SYN2: variants seen among roughly 807,000 people sequenced by gnomAD.
SYN2 encodes the protein synapsin II, also known as synapsin-2.
Under a neutral mutation model 50.9 loss-of-function variants are expected in SYN2, and 19 were observed. That is an observed-to-expected ratio of 0.37 (90% CI 0.26 to 0.55). SYN2 has a LOEUF of 0.55. Ranked by LOEUF, SYN2 falls within the 20% of genes least tolerant of loss-of-function variation. The pLI is 0.81. For synonymous variants in SYN2, 255 were observed against 224.9 expected, an observed-to-expected ratio of 1.13 and a Z score of -1.20; for missense variants, 587 against 576.4, an observed-to-expected ratio of 1.02 and a Z score of -0.19.
chr3:12,164,968 T>C (rs1166263367), intron 7 of SYN2, among the ~76,000 whole-genome samples: 6 of 149,980 alleles, frequency 4.0e-5, no homozygotes, highest in African/African-American at 1.5e-4. Context: ...GTTCAGTTTC[T>C]TCCTTTTTTT....
intron 1 of SYN2, among the ~76,000 whole-genome samples, chr3:12,118,759 GTAC>G (rs1271307280): frequency 6.6e-6 from 1 of 152,040 alleles, no homozygotes; most frequent in African/African-American, 2.4e-5. Flanking sequence ...GTTTAACACA[GTAC>G]TATCTGATAA....
chr3:12,150,360 C>T (rs1384675673), intron 4 of SYN2, among the ~76,000 whole-genome samples: 1 of 152,196 alleles, frequency 6.6e-6, no homozygotes, highest in Non-Finnish European at 1.5e-5. Context: ...TCTACAGAGC[C>T]TGAAAGGCAG....
chr3:12,029,859 T>A (rs1694343586), intron 1 of SYN2, among the ~76,000 whole-genome samples: 1 of 103,606 alleles, frequency 9.7e-6, no homozygotes. Context: ...CCTAATTGAA[T>A]ACCCTTTATT....
intron 1 of SYN2, among the ~76,000 whole-genome samples, chr3:12,081,736 C>T (rs1032010110): frequency 3.9e-5 from 6 of 152,264 alleles, no homozygotes; most frequent in African/African-American, 1.4e-4. Context: ...TTCCACCAAT[C>T]CTCAGGTTTT....
rs1407585169 is a variant in SYN2 at position 12,191,121 on chromosome 3, C to A, written c.*496C>A. On this transcript the variant is annotated 3_prime_UTR_variant, in exon 13 of 13. Coordinates refer to ENST00000621198, the MANE Select transcript of SYN2 (RefSeq NM_133625.6). The stretch of plus-strand genomic sequence containing the variant: ...CCCCGACCTGGATCCCTTGTCATAC[C>A]TGTGTTACTGTTTAAAGCACACCCA... 1.0e-6 allele frequency: 1 copy of A among 986,402 alleles called. No homozygotes were observed. The highest frequency in any genetic ancestry group is 1.2e-6 in the Non-Finnish European group (1 of 830,622). The allele number at this position is 986,402 out of a possible 1,614,324, so 61.1% of individuals were successfully genotyped here.
chr3:12,151,455 A>G (rs1181601931), intron 5 of SYN2, 129 bp downstream of exon 5: 2 of 695,414 alleles, frequency 2.9e-6, no homozygotes, highest in African/African-American at 1.8e-5. Context: ...GTTGAACTAT[A>G]GAGCTTATGC....
intron 5 of SYN2, among the ~76,000 whole-genome samples, chr3:12,160,839 CCTT>C (rs1176000377): frequency 1.3e-5 from 2 of 152,204 alleles, no homozygotes; most frequent in Non-Finnish European, 2.9e-5. Flanking sequence ...AGAGGATAAT[CCTT>C]CTTTTAAGGT....
At chr3:12,171,349 C>T (rs995423034) in intron 10 of SYN2, among the ~76,000 whole-genome samples, 3 of 152,142 alleles carry the variant, frequency 2.0e-5, no homozygotes, top group African/African-American at 7.2e-5. Context: ...AATCCTAGTT[C>T]TGCCTTTTAG....
intron 12 of SYN2, among the ~76,000 whole-genome samples, chr3:12,188,034 A>AT (rs1462201528): frequency 4.3e-3 from 42 of 9,762 alleles, no homozygotes; most frequent in South Asian, 0.023. Context: ...TGTAAAAAAA[A>AT]ATTTTTAATC....
chr3:12,139,357 G>A lies in SYN2; in HGVS notation c.378-1294G>A, dbSNP rs182617427. Among the ~76,000 whole-genome samples, 5 of 152,266 alleles carry A rather than the reference G, an allele frequency of 3.3e-5. No individual in the cohort carries two copies. In the East Asian group the frequency reaches 9.7e-4, roughly 29 times the overall value. On this transcript the variant is annotated intron_variant, in intron 1 of 12. Transcript: ENST00000621198. ...AGGAAAATGGGAATAAATGCAATGC[G>A]GCACACACAGGGCAAGTCCGTTTTT... is the stretch of plus-strand genomic sequence containing the variant.
Position 12,111,360 on chromosome 3 carries a change from G to A in SYN2, c.378-29291G>A, listed in dbSNP as rs539961630. On this transcript the variant is annotated intron_variant, in intron 1 of 12. Coordinates refer to ENST00000621198, the MANE Select transcript of SYN2 (RefSeq NM_133625.6). ...TCTCCTGTATGAATTACCCAGTCTC[G>A]GGTATGTCTTTATTAGCAGTGTGTA... Among the ~76,000 whole-genome samples the A allele has an allele frequency of 3.5e-4, 54 of 152,206 alleles. No individual in the cohort carries two copies. In the South Asian group the frequency reaches 8.9e-3, roughly 25 times the overall value.
chr3:12,162,486 A>T lies in SYN2; in HGVS notation c.980+332A>T, dbSNP rs565698920. Among the ~76,000 whole-genome samples, 12 of 152,320 alleles carry T rather than the reference A, an allele frequency of 7.9e-5. No homozygotes were observed. In the South Asian group the frequency reaches 2.5e-3, roughly 32 times the overall value. The stretch of plus-strand genomic sequence containing the variant: ...TCTTATAGTTGAGACACATATCTCT[A>T]TGGATTATTCTCATTCCTACTTTAA... On this transcript the variant is annotated intron_variant, in intron 7 of 12. Coordinates refer to ENST00000621198, the MANE Select transcript of SYN2 (RefSeq NM_133625.6).
intron 10 of SYN2, among the ~76,000 whole-genome samples, chr3:12,171,589 C>T (rs1697937577): frequency 6.6e-6 from 1 of 152,190 alleles, no homozygotes; most frequent in African/African-American, 2.4e-5. Context: ...AAAGTGTAAA[C>T]TTTCATGGCC....
chr3:12,087,055 A>T (rs536271035), intron 1 of SYN2, among the ~76,000 whole-genome samples: 1 of 152,204 alleles, frequency 6.6e-6, no homozygotes, highest in South Asian at 2.1e-4. Flanking sequence ...TAGCATTTCC[A>T]TATACTAACA....
At chr3:12,176,839 G>C (rs1698083891) in intron 10 of SYN2, among the ~76,000 whole-genome samples, 1 of 152,178 alleles carries the variant, frequency 6.6e-6, no homozygotes. Flanking sequence ...AGGCAAATCT[G>C]TTAGCAGACA....
At chr3:12,116,082 GT>G (rs764793705) in intron 1 of SYN2, among the ~76,000 whole-genome samples, 30 of 152,176 alleles carry the variant, frequency 2.0e-4, no homozygotes, top group Non-Finnish European at 4.0e-4. Flanking sequence ...GGCACCACTT[GT>G]TAGCTGATTC....
intron 1 of SYN2, among the ~76,000 whole-genome samples, chr3:12,061,200 A>G (rs1178344866): frequency 6.6e-6 from 1 of 152,174 alleles, no homozygotes; most frequent in Non-Finnish European, 1.5e-5. Flanking sequence ...ATAGAGTTTA[A>G]AACAGCAACA....
chr3:12,113,166 T>G (rs1696360676), intron 1 of SYN2, among the ~76,000 whole-genome samples: 1 of 152,184 alleles, frequency 6.6e-6, no homozygotes, highest in Admixed American at 6.5e-5. Context: ...GTGGTCCAGA[T>G]CAGCATCCTA....
At position 12,151,284 on chromosome 3, in the gene SYN2, C is replaced by T. The variant is rs183790096; in HGVS notation, c.732C>T (p.Phe244=). 2.8e-5 allele frequency: 45 copies of T among 1,613,470 alleles called. No homozygotes were observed. The Admixed American group carries it at 6.2e-4, about 22-fold the overall frequency. ...AIYKTLGGEK[F]PLIEQTYYPN... Reference sequence around the variant, plus strand: ...ATAAGACACTGGGAGGAGAAAAGTTCCCTCTCATTGAACAGACATACTACC... The same window carrying T: ...ATAAGACACTGGGAGGAGAAAAGTTTCCTCTCATTGAACAGACATACTACC... Residue 244 remains phenylalanine (F), a synonymous_variant, in exon 5 of 13, where the codon TTC becomes TTT. Coordinates refer to ENST00000621198, the MANE Select transcript of SYN2 (RefSeq NM_133625.6).
Sources: gnomAD v4.1 joint callset for allele counts (sites outside exome capture counted in the v4.1 genomes callset) on GRCh38, gnomAD v4.1.1 for gene constraint, MANE v1.5 for transcripts, NCBI Gene and HGNC (gene_info 2026-07-23, HGNC 2026-07-21) for gene names.